OAS3: variants seen among roughly 807,000 people sequenced by gnomAD.
The protein encoded by OAS3 is 2'-5'-oligoadenylate synthase 3.
In OAS3, 107 loss-of-function variants were observed where a neutral mutation model predicts 113.0. That is an observed-to-expected ratio of 0.95 (90% CI 0.81 to 1.11). The LOEUF is 1.11. Ranked by LOEUF, OAS3 falls within the 50% of genes most tolerant of loss-of-function variation. OAS3 has a pLI of 0.00. For missense variants in OAS3, 1,258 were observed against 1,389.1 expected, an observed-to-expected ratio of 0.91 and a Z score of 1.50; for synonymous variants, 552 against 573.6, an observed-to-expected ratio of 0.96 and a Z score of 0.54.
Position 112,963,255 on chromosome 12 carries a change from C to G in OAS3, c.2085-58C>G. On this transcript the variant is annotated intron_variant, in intron 9 of 15. Coordinates refer to ENST00000228928, the MANE Select transcript of OAS3 (RefSeq NM_006187.4). This position sits in a 1 kb window ranked among gnomAD's most constrained non-coding sequence, Gnocchi z 4.6. ...TCACGCCCCTTTTCAGCCCTTCCAC[C>G]CGCCTCCTCTTTCACTGACTCCCAC... The G allele has an allele frequency of 6.7e-7, 1 of 1,494,838 alleles. No homozygotes were observed. The highest frequency in any genetic ancestry group is 9.0e-7 in the Non-Finnish European group (1 of 1,115,860). 92.6% of individuals were successfully genotyped at this position (1,494,838 alleles called of 1,614,324 possible).
At position 112,963,622 on chromosome 12, in the gene OAS3, G is replaced by T. The variant is rs2043908949; in HGVS notation, c.2229+165G>T. Among the ~76,000 whole-genome samples the T allele has an allele frequency of 6.6e-6, 1 of 152,152 alleles. No homozygotes were observed. On this transcript the variant is annotated intron_variant, in intron 10 of 15. Transcript: ENST00000228928. This position sits in a 1 kb window ranked among gnomAD's most constrained non-coding sequence, Gnocchi z 4.6. ...TTGCCTTTCATGAAATGCACAGATTGCTACGTCCCAGCCAGTGCCTGAGTG... is the reference window on the plus strand; with the variant it reads ...TTGCCTTTCATGAAATGCACAGATTTCTACGTCCCAGCCAGTGCCTGAGTG...
Position 112,954,129 on chromosome 12 carries a change from G to C in OAS3, c.1657+3154G>C, listed in dbSNP as rs955454243. Among the ~76,000 whole-genome samples, 5 of 152,144 alleles carry C rather than the reference G, an allele frequency of 3.3e-5. No individual in the cohort carries two copies. Among genetic ancestry groups the C allele is most frequent in the African/African-American group, 1.2e-4 (5 of 41,412 alleles). ...AGGGTTTTTATGGTTTTAGGTCTAAGATGTAAGTCTTTAATCCATCTTGAA... is the reference window on the plus strand; with the variant it reads ...AGGGTTTTTATGGTTTTAGGTCTAACATGTAAGTCTTTAATCCATCTTGAA... On this transcript the variant is annotated intron_variant, in intron 7 of 15. Coordinates refer to ENST00000228928, the MANE Select transcript of OAS3 (RefSeq NM_006187.4). This position sits in a 1 kb window ranked among gnomAD's most constrained non-coding sequence, Gnocchi z 4.0.
At chr12:112,967,670 G>A in intron 13 of OAS3, 77 bp downstream of exon 13, 2 of 1,495,694 alleles carry the variant, frequency 1.3e-6, no homozygotes, top group Non-Finnish European at 1.8e-6. Context: ...GAGGAAGCAG[G>A]GCCCAGCCCT....
rs2043967336 is a variant in OAS3 at position 112,969,718 on chromosome 12, G to C, written c.3215G>C (p.Gly1072Ala). The change falls in exon 15 of 16, where the codon GGA becomes GCA. Residue 1072 changes from glycine (G) to alanine (A), a missense_variant. Physicochemically the swap from Gly to Ala is moderately conservative, Grantham distance 60. Coordinates refer to ENST00000228928, the MANE Select transcript of OAS3 (RefSeq NM_006187.4). Reference sequence around the variant, plus strand: ...TGCACATCTGCCCTGTGCTGCATGGGACGGAATGGCATCCCCATCCAGCCA... The same window carrying C: ...TGCACATCTGCCCTGTGCTGCATGGCACGGAATGGCATCCCCATCCAGCCA... ...AACTSALCCMGRNGIPIQPWP... is the reference protein window; with the variant it reads ...AACTSALCCMARNGIPIQPWP... The C allele has an allele frequency of 6.2e-7, 1 of 1,613,456 alleles. No individual in the cohort carries two copies. The highest frequency in any genetic ancestry group is 1.1e-5 in the South Asian group (1 of 90,920).
chr12:112,971,886 C>T lies in OAS3; in HGVS notation c.*1913C>T, dbSNP rs45583340. ...GTCCCCCATCTTGGTGCTGAACCAA[C>T]GCTAAGGGCACCTTCTTAGACTCAC... On this transcript the variant is annotated 3_prime_UTR_variant, in exon 16 of 16. Coordinates refer to ENST00000228928, the MANE Select transcript of OAS3 (RefSeq NM_006187.4). The T allele has an allele frequency of 5.9e-3, 904 of 152,460 alleles. 7 individuals carry two copies. The highest frequency in any genetic ancestry group is 7.5e-3 in the Non-Finnish European group (512 of 68,140). The allele number at this position is 152,460 out of a possible 1,614,324, so 9.4% of individuals were successfully genotyped here.
intron 5 of OAS3, 130 bp downstream of exon 5, chr12:112,948,229 C>A: frequency 1.1e-6 from 1 of 898,240 alleles, no homozygotes; most frequent in Non-Finnish European, 1.5e-6. Context: ...GGTGTGGTGG[C>A]TCACGCCTGT....
At chr12:112,941,195 T>C (rs141280901) in intron 1 of OAS3, among the ~76,000 whole-genome samples, 3 of 149,820 alleles carry the variant, frequency 2.0e-5, no homozygotes, top group African/African-American at 7.4e-5. Context: ...CAAGACCCCA[T>C]CTCTTTAAAA....
At chr12:112,946,635 A>G (rs1169237544) in intron 3 of OAS3, 108 bp from the exon 4 acceptor site, 8 of 919,788 alleles carry the variant, frequency 8.7e-6, no homozygotes, top group African/African-American at 1.6e-5. Flanking sequence ...GGAACACAGC[A>G]TCTTGCCTCA....
In OAS3 at chr12:112,950,989, G is replaced by C. The variant is rs1183878575; in HGVS notation, c.1657+14G>C. On this transcript the variant is annotated intron_variant, in intron 7 of 15. Coordinates refer to ENST00000228928, the MANE Select transcript of OAS3 (RefSeq NM_006187.4). ...TCGATGCTGTGGGTGAGGGCGCCCA[G>C]CCTGTCCCTTGGAGAGTGATAGGGA... is the stretch of plus-strand genomic sequence containing the variant. 1.9e-6 allele frequency: 3 copies of C among 1,609,592 alleles called. No homozygotes were observed. Among genetic ancestry groups the C allele is most frequent in the Non-Finnish European group, 2.5e-6 (3 of 1,177,900 alleles).
intron 5 of OAS3, 80 bp from the exon 6 acceptor site, chr12:112,948,781 G>A (rs2043757865): frequency 1.1e-5 from 12 of 1,119,806 alleles, no homozygotes; most frequent in East Asian, 5.2e-5. Flanking sequence ...TACAAAGGGC[G>A]GGAGCTGGGG....
rs774407336 is a variant in OAS3 at position 112,938,488 on chromosome 12, C to T, written c.-43C>T. On this transcript the variant is annotated 5_prime_UTR_variant, in exon 1 of 16. Transcript: ENST00000228928. ...AAAACGAAACCAGAAATCCGAAGGCCGCGCCAGAGCCCTGCTTCCCCTTGC... is the reference window on the plus strand; with the variant it reads ...AAAACGAAACCAGAAATCCGAAGGCTGCGCCAGAGCCCTGCTTCCCCTTGC... 2.8e-5 allele frequency: 42 copies of T among 1,497,048 alleles called. No homozygotes were observed. The highest frequency in any genetic ancestry group is 3.6e-5 in the Non-Finnish European group (41 of 1,124,896). 92.7% of individuals were successfully genotyped at this position (1,497,048 alleles called of 1,614,324 possible).
At position 112,941,716 on chromosome 12, in the gene OAS3, G is replaced by T. The variant is rs1352584924; in HGVS notation, c.324G>T (p.Trp108Cys). ...AGATGCGGGCATCGCTGGAATCCTG[G>T]TGGCAGAACCCAGTCCCTGGTCTGA... The part of the protein sequence containing the change: ...LSEMRASLES[W>C]WQNPVPGLRL... Residue 108 changes from tryptophan (W) to cysteine (C), a missense_variant, in exon 2 of 16, where the codon TGG becomes TGT. Trp to Cys is a radical substitution (Grantham distance 215). Coordinates refer to ENST00000228928, the MANE Select transcript of OAS3 (RefSeq NM_006187.4). 2 of 1,613,922 alleles carry T rather than the reference G, an allele frequency of 1.2e-6. No individual in the cohort carries two copies. The highest frequency in any genetic ancestry group is 2.7e-5 in the African/African-American group (2 of 74,938).
rs376999883 is a variant in OAS3 at position 112,967,557 on chromosome 12, G to A, written c.2829G>A (p.Lys943=). The A allele has an allele frequency of 4.5e-5, 72 of 1,613,766 alleles. No individual in the cohort carries two copies. The African/African-American group carries it at 9.3e-4, about 21-fold the overall frequency. Residue 943 remains lysine (K), a synonymous_variant, in exon 13 of 16, where the codon AAG becomes AAA. Coordinates refer to ENST00000228928, the MANE Select transcript of OAS3 (RefSeq NM_006187.4). ...DFIISRPTKL[K]SLIRLVKHWY... is the part of the protein sequence containing the mutation. ...TCATCTCTCGCCCTACCAAGCTGAA[G>A]AGCCTGATCCGGCTGGTGAAGCACT...
chr12:112,965,394 G>A (rs2043924208), intron 11 of OAS3, among the ~76,000 whole-genome samples: 1 of 152,136 alleles, frequency 6.6e-6, no homozygotes, highest in South Asian at 2.1e-4. Flanking sequence ...CAGTCTTGTG[G>A]GGTGGGAGCC....
At position 112,965,947 on chromosome 12, in the gene OAS3, C is replaced by G; in HGVS notation, c.2607C>G (p.Arg869=). 6.2e-7 allele frequency: 1 copy of G among 1,613,964 alleles called. No individual in the cohort carries two copies. The highest frequency in any genetic ancestry group is 8.5e-7 in the Non-Finnish European group (1 of 1,179,878). The change falls in exon 12 of 16, where the codon CGC becomes CGG. Residue 869 remains arginine (R), a synonymous_variant. Transcript: ENST00000228928. ...AAGTCTCCAAATGGGAGAATCCCCG[C>G]GTGCTGAGCTTCTCACTGACATCCC... ...KFEVSKWENP[R]VLSFSLTSQT...
chr12:112,961,296 A>G lies in OAS3; in HGVS notation c.1833+50A>G, dbSNP rs766074863. On this transcript the variant is annotated intron_variant, in intron 8 of 15. Transcript: ENST00000228928. ...GGAAGCCACCACTGTCATGGCAACC[A>G]CCCCAGCCAATCAGTTCCTCCTCTA... The G allele has an allele frequency of 1.5e-5, 24 of 1,554,168 alleles. No homozygotes were observed. The African/African-American group carries it at 3.1e-4, about 20-fold the overall frequency.
chr12:112,948,190 G>A (rs962017824), intron 5 of OAS3, 91 bp downstream of exon 5: 3 of 1,290,810 alleles, frequency 2.3e-6, no homozygotes, highest in Admixed American at 6.8e-5. Context: ...ATATGGTGTG[G>A]AACAGGCTTT....
intron 7 of OAS3, among the ~76,000 whole-genome samples, chr12:112,951,208 T>C (rs1036179045): frequency 6.6e-6 from 1 of 152,200 alleles, no homozygotes. Flanking sequence ...ACTACAGACG[T>C]CACACACCCA....
chr12:112,949,038 G>A lies in OAS3; in HGVS notation c.1207G>A (p.Gly403Arg). ...GAASIVPSVPGMALDLSQIPT... is the reference protein window; with the variant it reads ...GAASIVPSVPRMALDLSQIPT... The stretch of plus-strand genomic sequence containing the variant: ...AGCCAGCATCGTCCCCTCTGTGCCG[G>A]GAATGGCCTTGGACCTGTCTCAGAT... Residue 403 changes from glycine (G) to arginine (R), a missense_variant, in exon 6 of 16, where the codon GGA becomes AGA. Coordinates refer to ENST00000228928, the MANE Select transcript of OAS3 (RefSeq NM_006187.4). 1 of 1,614,022 alleles carries A rather than the reference G, an allele frequency of 6.2e-7. No individual in the cohort carries two copies. The highest frequency in any genetic ancestry group is 8.5e-7 in the Non-Finnish European group (1 of 1,179,896).
Sources: gnomAD v4.1 joint callset for allele counts (sites outside exome capture counted in the v4.1 genomes callset) on GRCh38, gnomAD v4.1.1 for gene constraint, Gnocchi (gnomAD v3.1) non-coding constraint, MANE v1.5 for transcripts, NCBI Gene and HGNC (gene_info 2026-07-23, HGNC 2026-07-21) for gene names.